Variants in UCHL5 observed in about 807,000 individuals in gnomAD.
UCHL5 encodes the protein ubiquitin carboxyl-terminal hydrolase isozyme L5.
UCHL5 carries 34 observed loss-of-function variants against 53.8 expected under a neutral mutation model. The observed-to-expected ratio is 0.63, with a 90% confidence interval of 0.48 to 0.84. The LOEUF (loss-of-function observed/expected upper bound fraction) is 0.84. Ranked by LOEUF, UCHL5 falls within the 40% of genes least tolerant of loss-of-function variation. The pLI, the probability that UCHL5 is intolerant of heterozygous loss-of-function variation, is 0.00. For missense variants in UCHL5, 290 were observed against 385.6 expected (o/e 0.75, Z 2.08); for synonymous variants, 111 against 126.3 (o/e 0.88, Z 0.81).
chr1:193,020,470 A>G, intron 10 of UCHL5: 1 of 1,531,320 alleles, frequency 6.5e-7, no homozygotes, highest in Non-Finnish European at 8.8e-7. Flanking sequence ...GGGAGGGGCC[A>G]GGTAACATGT....
chr1:193,020,867 T>C (rs1656728449), intron 10 of UCHL5, among the ~76,000 whole-genome samples: 1 of 151,940 alleles, frequency 6.6e-6, no homozygotes, highest in Admixed American at 6.6e-5. Flanking sequence ...ACCTGAGGTC[T>C]TGACACTAAG....
intron 7 of UCHL5, among the ~76,000 whole-genome samples, chr1:193,027,217 G>A (rs12735445): frequency 0.64 from 96,422 of 151,510 alleles, 31,461 homozygotes; most frequent in Middle Eastern, 0.72. Flanking sequence ...TTTGCAAGAT[G>A]TTGCCACTGA....
In UCHL5 at chr1:193,025,144, C is replaced by CA. The variant is rs1335601120; in HGVS notation, c.630-1199dup. The stretch of plus-strand genomic sequence containing the variant: ...ACCCAGAAATACCAACAGGCACAGA[C>CA]AAAAAAAAGCCCCAACAAAAGTCTG... On this transcript the variant is annotated intron_variant, in intron 7 of 10. Coordinates refer to ENST00000367454, the MANE Select transcript of UCHL5 (RefSeq NM_001199261.3). Among the ~76,000 whole-genome samples, 12 of 151,438 alleles carry CA rather than the reference C, an allele frequency of 7.9e-5. 1 individual carries two copies. In the South Asian group the frequency reaches 8.4e-4, roughly 11 times the overall value.
intron 1 of UCHL5, among the ~76,000 whole-genome samples, chr1:193,053,799 AT>A (rs1669802415): frequency 6.6e-6 from 1 of 152,204 alleles, no homozygotes; most frequent in African/African-American, 2.4e-5. Flanking sequence ...TTAAAATGGT[AT>A]TTACCAAATA....
chr1:193,029,319 A>AC lies in UCHL5; in HGVS notation c.435-11_435-10insG. 1 of 1,613,084 alleles carries AC rather than the reference A, an allele frequency of 6.2e-7. No individual in the cohort carries two copies. Among genetic ancestry groups the AC allele is most frequent in the South Asian group, 1.1e-5 (1 of 90,854 alleles). On this transcript the variant is annotated splice_polypyrimidine_tract_variant and intron_variant, in intron 5 of 10. Transcript: ENST00000367454. Reference sequence around the variant, plus strand: ...TTCAAACATTTGCTGTCTACAGTAAATAAAAAAATAGTGAAACTCAAAGAA... The same window carrying AC: ...TTCAAACATTTGCTGTCTACAGTAAACTAAAAAAATAGTGAAACTCAAAGAA...
intron 3 of UCHL5, 100 bp downstream of exon 3, chr1:193,049,646 G>C (rs1457570259): frequency 1.1e-5 from 9 of 830,250 alleles, no homozygotes; most frequent in Non-Finnish European, 1.6e-5. Flanking sequence ...GAGTGTAAGA[G>C]TTTGAGGACT....
intron 3 of UCHL5, among the ~76,000 whole-genome samples, chr1:193,036,426 T>C (rs916188153): frequency 6.8e-6 from 1 of 147,018 alleles, no homozygotes; most frequent in East Asian, 2.0e-4. Context: ...CACTACATAA[T>C]GATAAAGGGG....
chr1:193,055,215 C>T (rs1282553128), intron 1 of UCHL5, among the ~76,000 whole-genome samples: 1 of 152,116 alleles, frequency 6.6e-6, no homozygotes, highest in Non-Finnish European at 1.5e-5. Context: ...AGTAAACAGA[C>T]TTGGAAGACA....
At chr1:193,035,907 C>G (rs1395230239) in intron 3 of UCHL5, among the ~76,000 whole-genome samples, 1 of 151,898 alleles carries the variant, frequency 6.6e-6, no homozygotes, top group Non-Finnish European at 1.5e-5. Context: ...TCTTTATAAT[C>G]TAAGTTGTTA....
At chr1:193,021,366 T>C (rs1010696981) in intron 9 of UCHL5, among the ~76,000 whole-genome samples, 171 bp from the exon 10 acceptor site, 2 of 152,122 alleles carry the variant, frequency 1.3e-5, no homozygotes, top group African/African-American at 4.8e-5. Context: ...ATAAAACATG[T>C]GGAGGGAGTT....
At chr1:193,020,738 A>C (rs1290359378) in intron 10 of UCHL5, among the ~76,000 whole-genome samples, 5 of 151,890 alleles carry the variant, frequency 3.3e-5, no homozygotes, top group African/African-American at 1.2e-4. Flanking sequence ...TTCTACTTTT[A>C]AATTCTGTTA....
chr1:193,017,098 T>C (rs1483831677), intron 10 of UCHL5, among the ~76,000 whole-genome samples: 1 of 151,766 alleles, frequency 6.6e-6, no homozygotes, highest in African/African-American at 2.4e-5. Flanking sequence ...TATATACCAA[T>C]GACTTAGAGA....
chr1:193,036,494 C>G (rs937187184), intron 3 of UCHL5, among the ~76,000 whole-genome samples: 3 of 151,772 alleles, frequency 2.0e-5, no homozygotes, highest in Admixed American at 1.3e-4. Flanking sequence ...CACCTGAGTT[C>G]CCAAGTGTAT....
At position 193,049,749 on chromosome 1, in the gene UCHL5, C is replaced by T. The variant is rs1056286075; in HGVS notation, c.243G>A (p.Lys81=). Residue 81 remains lysine, a synonymous_variant, in exon 3 of 11, where the codon AAG becomes AAA. Coordinates refer to ENST00000367454, the MANE Select transcript of UCHL5 (RefSeq NM_001199261.3). ...TCAGAGTATCCAAGGACCATACCTG[C>T]TTAGCAAAAAATATCGTGTCAAGTC... ...DSRLDTIFFA[K]QVINNACATQ... The T allele has an allele frequency of 1.9e-6, 3 of 1,609,694 alleles. No individual in the cohort carries two copies. Among genetic ancestry groups the T allele is most frequent in the South Asian group, 2.2e-5 (2 of 90,500 alleles).
In UCHL5 at chr1:193,049,577, G is replaced by A. The variant is rs1260161940; in HGVS notation, c.246+169C>T. ...TTGATAGATAATCCCAGAAACAAAA[G>A]CTCTTTTGAGATGTCAATAATTTTT... On this transcript the variant is annotated intron_variant, in intron 3 of 10. Transcript: ENST00000367454. The A allele has an allele frequency of 2.7e-5, 12 of 450,748 alleles. No individual in the cohort carries two copies. The East Asian group carries it at 4.1e-4, about 15-fold the overall frequency. The allele number at this position is 450,748 out of a possible 1,614,324, so 27.9% of individuals were successfully genotyped here.
At chr1:193,024,587 A>C (rs965546830) in intron 7 of UCHL5, among the ~76,000 whole-genome samples, 3 of 148,570 alleles carry the variant, frequency 2.0e-5, no homozygotes, top group Non-Finnish European at 3.0e-5. Flanking sequence ...TCTTATATGT[A>C]AATAAATATA....
chr1:193,031,512 T>C (rs536087188), intron 3 of UCHL5, among the ~76,000 whole-genome samples: 1 of 152,264 alleles, frequency 6.6e-6, no homozygotes, highest in East Asian at 1.9e-4. Context: ...ACTCATTTTG[T>C]ATGTGTCTGT....
intron 3 of UCHL5, among the ~76,000 whole-genome samples, chr1:193,046,100 T>C (rs919947620): frequency 6.6e-6 from 1 of 152,170 alleles, no homozygotes; most frequent in African/African-American, 2.4e-5. Context: ...GGCATGACCA[T>C]AGCTTACTGC....
upstream of UCHL5, chr1:193,059,433 G>A (rs1365687361): frequency 1.2e-6 from 2 of 1,610,706 alleles, no homozygotes; most frequent in East Asian, 2.2e-5. This position sits in a 1 kb window ranked among gnomAD's most constrained non-coding sequence, Gnocchi z 4.9. Flanking sequence ...ACTGAGCGCG[G>A]GAGGACGCTC....
Sources: allele counts gnomAD v4.1 joint callset (sites outside exome capture counted in the v4.1 genomes callset), GRCh38; gene constraint gnomAD v4.1.1; non-coding constraint Gnocchi (gnomAD v3.1); transcripts MANE v1.5; gene names NCBI Gene and HGNC (gene_info 2026-07-23, HGNC 2026-07-21).